LGALSL: variants seen among roughly 807,000 people sequenced by gnomAD.
LGALSL encodes the protein galectin-related protein.
A neutral mutation model predicts 19.5 loss-of-function variants in LGALSL; 13 were observed. The observed-to-expected ratio is 0.67, with a 90% CI of 0.43 to 1.06. LGALSL has a LOEUF of 1.06. LGALSL is among the 50% of genes least tolerant of loss of function. The pLI is 0.00. For missense variants in LGALSL, 189 were observed against 219.3 expected (o/e 0.86, Z 0.87); for synonymous variants, 86 against 78.3 (o/e 1.10, Z -0.52).
At position 64,457,914 on chromosome 2, in the gene LGALSL, G is replaced by C. The variant is rs376158467; in HGVS notation, c.376-371G>C. On this transcript the variant is annotated intron_variant, in intron 4 of 4. Coordinates refer to ENST00000238875, the MANE Select transcript of LGALSL (RefSeq NM_014181.3). ...TAATGCTCCCAACAGCAAAACTGAA[G>C]TGAAATAGGCCCTTCTTGGTGATAA... 5.3e-5 allele frequency among the ~76,000 whole-genome samples: 8 copies of C among 152,294 alleles called. No individual in the cohort carries two copies. The East Asian group carries it at 7.7e-4, about 15-fold the overall frequency.
chr2:64,457,188 G>A (rs1054392967), intron 4 of LGALSL, among the ~76,000 whole-genome samples: 9 of 152,148 alleles, frequency 5.9e-5, no homozygotes, highest in Non-Finnish European at 1.0e-4. Flanking sequence ...CACTTTGGGA[G>A]GCTGAGGCAA....
intron 4 of LGALSL, 35 bp from the exon 5 acceptor site, chr2:64,458,250 A>T (rs1686767547): frequency 6.2e-7 from 1 of 1,603,868 alleles, no homozygotes; most frequent in Non-Finnish European, 8.5e-7. Flanking sequence ...AGTAGCGTTC[A>T]TTGAAATTGT....
At chr2:64,456,590 T>C (rs1686740513) in intron 4 of LGALSL, 125 bp downstream of exon 4, 4 of 713,088 alleles carry the variant, frequency 5.6e-6, no homozygotes, top group African/African-American at 3.7e-5. Flanking sequence ...TGTCACCCAA[T>C]GGTGAAAAAA....
At position 64,456,166 on chromosome 2, in the gene LGALSL, G is replaced by A. The variant is rs145322690; in HGVS notation, c.198-122G>A. On this transcript the variant is annotated intron_variant, in intron 3 of 4. Transcript: ENST00000238875. Reference sequence around the variant, plus strand: ...ACTTCTCCATAATCTAACCTCTCTTGAAGAGTAGTGGCCTCTTAAAAATGG... The same window carrying A: ...ACTTCTCCATAATCTAACCTCTCTTAAAGAGTAGTGGCCTCTTAAAAATGG... 1.8e-3 allele frequency: 1,390 copies of A among 765,674 alleles called. 20 individuals carry two copies. In the African/African-American group the frequency reaches 0.023, roughly 12 times the overall value. 47.4% of individuals were successfully genotyped at this position (765,674 alleles called of 1,614,324 possible).
chr2:64,455,316 A>T (rs745413693), intron 1 of LGALSL, 28 bp from the exon 2 acceptor site: 1 of 1,537,518 alleles, frequency 6.5e-7, no homozygotes, highest in Non-Finnish European at 9.0e-7. Context: ...AGCCCATGGA[A>T]AGCCAATCTG....
In LGALSL at chr2:64,461,043, A is replaced by T. The variant is rs1572900962; in HGVS notation, c.*2615A>T. The T allele has an allele frequency of 6.6e-6, 1 of 152,320 alleles. No homozygotes were observed. The highest frequency in any genetic ancestry group is 1.5e-5 in the Non-Finnish European group (1 of 68,022). The allele number at this position is 152,320 out of a possible 1,614,324, so 9.4% of individuals were successfully genotyped here. A position where few individuals can be genotyped will look rare whatever the true frequency, so the allele number is the denominator to read the frequency against. ...GCTATTCCAGAAGTATTTTAAAATT[A>T]TTATTTAAAATTTTGAAGCCCCATT... On this transcript the variant is annotated 3_prime_UTR_variant, in exon 5 of 5. Coordinates refer to ENST00000238875, the MANE Select transcript of LGALSL (RefSeq NM_014181.3).
At chr2:64,456,936 C>T (rs1403859960) in intron 4 of LGALSL, among the ~76,000 whole-genome samples, 3 of 152,080 alleles carry the variant, frequency 2.0e-5, no homozygotes, top group African/African-American at 7.2e-5. Context: ...TGTTCGTGTC[C>T]TTGTTTCCCC....
chr2:64,456,850 T>C (rs1182406375), intron 4 of LGALSL, among the ~76,000 whole-genome samples: 1 of 152,224 alleles, frequency 6.6e-6, no homozygotes, highest in Non-Finnish European at 1.5e-5. Flanking sequence ...TAAGTAGCTC[T>C]TTTATTTGTA....
In LGALSL at chr2:64,460,710, G is replaced by C. The variant is rs1286358423; in HGVS notation, c.*2282G>C. The C allele has an allele frequency of 6.6e-6, 1 of 152,206 alleles. No homozygotes were observed. Among genetic ancestry groups the C allele is most frequent in the Non-Finnish European group, 1.5e-5 (1 of 68,028 alleles). 9.4% of individuals were successfully genotyped at this position (152,206 alleles called of 1,614,324 possible). A position where few individuals can be genotyped will look rare whatever the true frequency, so the allele number is the denominator to read the frequency against. ...TTTGATTCAGGTATAGCCCAAATTA[G>C]TAAGGGGCTTTAGCTGTAAACTGAA... On this transcript the variant is annotated 3_prime_UTR_variant, in exon 5 of 5. Transcript: ENST00000238875.
chr2:64,456,453 C>G lies in LGALSL; in HGVS notation c.363C>G (p.Asp121Glu). The G allele has an allele frequency of 6.3e-7, 1 of 1,582,198 alleles. No individual in the cohort carries two copies. The change falls in exon 4 of 5, where the codon GAC (aspartate) becomes GAG (glutamate). Residue 121 changes from aspartate to glutamate, a missense_variant. Around this residue, in one of 3 missense-constraint regions of LGALSL, gnomAD observed 106 missense variants for 119.3 expected, o/e 0.89. Transcript: ENST00000238875. ...SAIPYFPFIPDQPFRVEILCE... is the reference protein window; with the variant it reads ...SAIPYFPFIPEQPFRVEILCE... Reference sequence around the variant, plus strand: ...TCCCTTACTTTCCATTCATTCCAGACCAGCCATTCAGGGTGAGTACCTCGA... The same window carrying G: ...TCCCTTACTTTCCATTCATTCCAGAGCAGCCATTCAGGGTGAGTACCTCGA...
chr2:64,456,486 G>T (rs745727251), intron 4 of LGALSL, 21 bp downstream of exon 4: 2 of 1,515,014 alleles, frequency 1.3e-6, no homozygotes, highest in South Asian at 2.6e-5. Flanking sequence ...CGAGTGCCTC[G>T]GCTCCAGCCA....
At chr2:64,458,151 C>G in intron 4 of LGALSL, 134 bp from the exon 5 acceptor site, 1 of 779,318 alleles carries the variant, frequency 1.3e-6, no homozygotes, top group Non-Finnish European at 2.1e-6. Context: ...CTAACAAGCC[C>G]TCTGCAGGTC....
Position 64,458,537 on chromosome 2 carries a change from A to C in LGALSL, c.*109A>C. On this transcript the variant is annotated 3_prime_UTR_variant, in exon 5 of 5. Coordinates refer to ENST00000238875, the MANE Select transcript of LGALSL (RefSeq NM_014181.3). ...GAGACTTAAAAAGAAAACAAAAACAAATGGCAAGTTTCACTTAAGGGTGGT... is the reference window on the plus strand; with the variant it reads ...GAGACTTAAAAAGAAAACAAAAACACATGGCAAGTTTCACTTAAGGGTGGT... 3 of 1,137,264 alleles carry C rather than the reference A, an allele frequency of 2.6e-6. No homozygotes were observed. The highest frequency in any genetic ancestry group is 3.7e-6 in the Non-Finnish European group (3 of 809,854). 70.4% of individuals were successfully genotyped at this position (1,137,264 alleles called of 1,614,324 possible). A position where few individuals can be genotyped will look rare whatever the true frequency, so the allele number is the denominator to read the frequency against.
In LGALSL at chr2:64,455,209, C is replaced by CGGT. The variant is rs1686714058; in HGVS notation, c.37-133_37-131dup. The CGGT allele has an allele frequency of 5.7e-6, 4 of 706,122 alleles. No homozygotes were observed. In the Admixed American group the frequency reaches 8.5e-5, roughly 15 times the overall value. The allele number at this position is 706,122 out of a possible 1,614,324, so 43.7% of individuals were successfully genotyped here. Reference sequence around the variant, plus strand: ...GGGGGTGATGAGATTATCTAAGAGACGGTGAAGAGGCATCATCTGCAGACA... The same window carrying CGGT: ...GGGGGTGATGAGATTATCTAAGAGACGGTGGTGAAGAGGCATCATCTGCAGACA... On this transcript the variant is annotated intron_variant, in intron 1 of 4. Coordinates refer to ENST00000238875, the MANE Select transcript of LGALSL (RefSeq NM_014181.3).
Position 64,456,408 on chromosome 2 carries a change from G to A in LGALSL, c.318G>A (p.Arg106=), listed in dbSNP as rs780753582. 6.2e-7 allele frequency: 1 copy of A among 1,610,370 alleles called. No individual in the cohort carries two copies. The part of the protein sequence containing the change: ...LLRNSCISGE[R]GEEQSAIPYF... ...GAAATTCTTGTATATCTGGGGAGAG[G>A]GGTGAAGAACAGTCAGCAATCCCTT... Residue 106 remains arginine, a synonymous_variant, in exon 4 of 5, where the codon AGG becomes AGA. Transcript: ENST00000238875.
chr2:64,455,443 C>T (rs1190264693), intron 2 of LGALSL, 28 bp downstream of exon 2: 4 of 1,570,594 alleles, frequency 2.5e-6, no homozygotes, highest in Non-Finnish European at 3.5e-6. Flanking sequence ...GTGTCTCTGC[C>T]TGTACCTTCC....
Position 64,456,502 on chromosome 2 carries a change from A to G in LGALSL, c.375+37A>G, listed in dbSNP as rs1396254911. 8 of 1,483,258 alleles carry G rather than the reference A, an allele frequency of 5.4e-6. No homozygotes were observed. The African/African-American group carries it at 5.8e-5, about 11-fold the overall frequency. 91.9% of individuals were successfully genotyped at this position (1,483,258 alleles called of 1,614,324 possible). On this transcript the variant is annotated intron_variant, in intron 4 of 4. Transcript: ENST00000238875. Reference sequence around the variant, plus strand: ...GAGTGCCTCGGCTCCAGCCACTGGCAGGCTGATAATGTTCGACTTACCTAG... The same window carrying G: ...GAGTGCCTCGGCTCCAGCCACTGGCGGGCTGATAATGTTCGACTTACCTAG...
At chr2:64,455,755 C>T (rs1686725207) in intron 3 of LGALSL, 78 bp downstream of exon 3, 2 of 1,012,528 alleles carry the variant, frequency 2.0e-6, no homozygotes, top group African/African-American at 1.6e-5. Context: ...GTTTAGCACT[C>T]CTCTTCCTCT....
rs879569265 is a variant in LGALSL, at chr2:64,461,259, T to C, written c.*2831T>C. On this transcript the variant is annotated 3_prime_UTR_variant, in exon 5 of 5. Coordinates refer to ENST00000238875, the MANE Select transcript of LGALSL (RefSeq NM_014181.3). ...TAATGTAGAAATAATGTTCCTATGA[T>C]GACATATTTTCAAAGAAACACTTTC... The C allele has an allele frequency of 6.6e-6, 1 of 152,232 alleles. No homozygotes were observed. Among genetic ancestry groups the C allele is most frequent in the Non-Finnish European group, 1.5e-5 (1 of 68,034 alleles). The allele number at this position is 152,232 out of a possible 1,614,324, so 9.4% of individuals were successfully genotyped here. A position where few individuals can be genotyped will look rare whatever the true frequency, so the allele number is the denominator to read the frequency against.
Sources: allele counts gnomAD v4.1 joint callset (sites outside exome capture counted in the v4.1 genomes callset), GRCh38; gene constraint gnomAD v4.1.1; regional missense constraint gnomAD v4.1.1; transcripts MANE v1.5; gene names NCBI Gene and HGNC (gene_info 2026-07-23, HGNC 2026-07-21).